DCAF1: variants seen among roughly 807,000 people sequenced by gnomAD.
The protein encoded by DCAF1 is DDB1- and CUL4-associated factor 1.
In DCAF1, 15 loss-of-function variants were observed where a neutral mutation model predicts 128.0. That is an observed-to-expected ratio of 0.12 (90% CI 0.08 to 0.18). DCAF1 has a LOEUF of 0.18. Among genes scored for constraint, DCAF1 ranks in the 10% least tolerant of loss-of-function variants. The pLI is 1.00. For missense variants in DCAF1, 988 were observed against 1,649.5 expected (o/e 0.60, Z 6.95); for synonymous variants, 610 against 603.0 (o/e 1.01, Z -0.17).
At chr3:51,437,462 T>C (rs1419657758) in intron 9 of DCAF1, 24 of 483,936 alleles carry the variant, frequency 5.0e-5, no homozygotes, top group Non-Finnish European at 5.8e-5. Flanking sequence ...GTGGCTATCA[T>C]ACAGTTCTCA....
chr3:51,419,312 G>C (rs1207295253), intron 15 of DCAF1, among the ~76,000 whole-genome samples: 6 of 151,246 alleles, frequency 4.0e-5, no homozygotes, highest in Admixed American at 4.0e-4. Flanking sequence ...AGTGAGCCAA[G>C]ATAGCACCAC....
chr3:51,460,557 C>T (rs1464252678), intron 6 of DCAF1, among the ~76,000 whole-genome samples: 33 of 151,518 alleles, frequency 2.2e-4, no homozygotes, highest in Middle Eastern at 3.5e-3. Context: ...TTGGAAAAAA[C>T]TACTTTAAAG....
rs1259859050 is a variant in DCAF1, at chr3:51,397,973, A to G, written c.*796T>C. 1.2e-5 allele frequency: 2 copies of G among 166,306 alleles called. No homozygotes were observed. The highest frequency in any genetic ancestry group is 2.4e-5 in the African/African-American group (1 of 41,452). 10.3% of individuals were successfully genotyped at this position (166,306 alleles called of 1,614,324 possible). ...AGAAAAAAAGATTTTTGAAAAACTG[A>G]ATCACAAAGAAAAATAGAGGGAGTG... is the stretch of plus-strand genomic sequence containing the variant. On this transcript the variant is annotated 3_prime_UTR_variant, in exon 25 of 25. Coordinates refer to ENST00000684031, the MANE Select transcript of DCAF1 (RefSeq NM_001387579.1).
intron 2 of DCAF1, among the ~76,000 whole-genome samples, chr3:51,490,283 GTGCACCTGTACCAGGTA>G (rs1707478037): frequency 1.3e-5 from 2 of 152,160 alleles, no homozygotes; most frequent in East Asian, 1.9e-4. Context: ...CAGGCATGGT[GTGCACCTGTACCAGGTA>G]TGCACCTGTA....
At chr3:51,483,905 G>T in intron 2 of DCAF1, 69 bp from the exon 3 acceptor site, 1 of 1,121,640 alleles carries the variant, frequency 8.9e-7, no homozygotes, top group South Asian at 1.3e-5. Context: ...AAGTGAAGAA[G>T]GGGTAGAAAA....
chr3:51,441,574 C>A lies in DCAF1; in HGVS notation c.837G>T (p.Arg279Ser). The change falls in exon 8 of 25, where the codon AGG becomes AGT. Residue 279 changes from arginine (R) to serine (S), a missense_variant. Arg to Ser is a moderately radical substitution (Grantham distance 110). Transcript: ENST00000684031. Reference sequence around the variant, plus strand: ...AGAAACCCAACTTTTGCTTGGCTTTCCTAAAGTTCTCTCTGTCACCCTGTT... The same window carrying A: ...AGAAACCCAACTTTTGCTTGGCTTTACTAAAGTTCTCTCTGTCACCCTGTT... The part of the protein sequence containing the change: ...SAKQGDRENF[R>S]KAKQKLGFSS... 6.2e-7 allele frequency: 1 copy of A among 1,613,978 alleles called. No individual in the cohort carries two copies. Among genetic ancestry groups the A allele is most frequent in the Non-Finnish European group, 8.5e-7 (1 of 1,179,886 alleles).
At chr3:51,484,922 GT>G (rs542503097) in intron 2 of DCAF1, among the ~76,000 whole-genome samples, 6 of 122,744 alleles carry the variant, frequency 4.9e-5, no homozygotes, top group African/African-American at 8.8e-5. Context: ...TTTTTGTTTT[GT>G]TTTTTTTTTG....
At chr3:51,445,315 A>G (rs1701748642) in intron 6 of DCAF1, among the ~76,000 whole-genome samples, 1 of 152,210 alleles carries the variant, frequency 6.6e-6, no homozygotes, top group Admixed American at 6.5e-5. Context: ...TGAACTACAT[A>G]AATTGTGATA....
At chr3:51,477,329 A>C (rs534980324) in intron 3 of DCAF1, among the ~76,000 whole-genome samples, 16 of 151,984 alleles carry the variant, frequency 1.1e-4, no homozygotes, top group African/African-American at 3.6e-4. Flanking sequence ...AAAAAAAAAA[A>C]CAAAAAACCC....
intron 4 of DCAF1, among the ~76,000 whole-genome samples, chr3:51,469,519 A>G (rs1704506824): frequency 6.6e-6 from 1 of 151,568 alleles, no homozygotes; most frequent in African/African-American, 2.4e-5. Context: ...CGTGAGCCAC[A>G]GCGCCAGGCC....
chr3:51,401,762 C>T (rs782184274), intron 24 of DCAF1, among the ~76,000 whole-genome samples: 2 of 152,190 alleles, frequency 1.3e-5, no homozygotes, highest in African/African-American at 2.4e-5. Context: ...GCTGACCCTG[C>T]GAACCTGCCC....
intron 6 of DCAF1, among the ~76,000 whole-genome samples, chr3:51,457,184 A>G (rs1553643091): frequency 6.6e-6 from 1 of 152,186 alleles, no homozygotes; most frequent in Non-Finnish European, 1.5e-5. Flanking sequence ...AGACAAATGG[A>G]TAACTAGAAT....
intron 9 of DCAF1, chr3:51,437,538 G>A: frequency 3.0e-6 from 1 of 335,416 alleles, no homozygotes; most frequent in Non-Finnish European, 6.0e-6. Flanking sequence ...ACAGGGGGCT[G>A]GGCACAGTTG....
At chr3:51,463,403 C>A (rs1320358110) in intron 5 of DCAF1, among the ~76,000 whole-genome samples, 176 bp from the exon 6 acceptor site, 1 of 152,160 alleles carries the variant, frequency 6.6e-6, no homozygotes, top group East Asian at 1.9e-4. Context: ...CACTTATGAT[C>A]TTGCTGAGCC....
intron 1 of DCAF1, among the ~76,000 whole-genome samples, chr3:51,498,985 T>G (rs1708537643): frequency 6.6e-6 from 1 of 152,006 alleles, no homozygotes; most frequent in South Asian, 2.1e-4. Context: ...TTAAAAGGCT[T>G]CATCAAAAAA....
chr3:51,432,031 G>C (rs1700434072), intron 10 of DCAF1, among the ~76,000 whole-genome samples: 1 of 151,870 alleles, frequency 6.6e-6, no homozygotes, highest in Non-Finnish European at 1.5e-5. Context: ...CCAGCACTTT[G>C]GGAGGCCAAG....
chr3:51,481,993 C>G (rs1022602933), intron 3 of DCAF1, among the ~76,000 whole-genome samples: 4 of 151,754 alleles, frequency 2.6e-5, no homozygotes, highest in Non-Finnish European at 5.9e-5. Flanking sequence ...TCCATCCCCC[C>G]AAAAAATAAA....
chr3:51,490,874 C>G (rs531105020), intron 2 of DCAF1, among the ~76,000 whole-genome samples: 4 of 152,028 alleles, frequency 2.6e-5, no homozygotes, highest in Non-Finnish European at 5.9e-5. Flanking sequence ...TGCAGTAAGC[C>G]GAGATCGTGC....
rs782370339 is a variant in DCAF1 at position 51,427,398 on chromosome 3, G to A, written c.1821C>T (p.Ala607=). The A allele has an allele frequency of 1.8e-5, 14 of 768,622 alleles. No homozygotes were observed. Among genetic ancestry groups the A allele is most frequent in the Non-Finnish European group, 1.9e-5 (8 of 413,940 alleles). The allele number at this position is 768,622 out of a possible 1,614,324, so 47.6% of individuals were successfully genotyped here. The change falls in exon 13 of 25, where the codon GCC becomes GCT. Residue 607 remains alanine, a synonymous_variant. Coordinates refer to ENST00000684031, the MANE Select transcript of DCAF1 (RefSeq NM_001387579.1). ...TTGCATAATAGGTCTTCCAATTGCAGGCAATAGAAATAAGCTGCAACAAGA... is the reference window on the plus strand; with the variant it reads ...TTGCATAATAGGTCTTCCAATTGCAAGCAATAGAAATAAGCTGCAACAAGA... ...VQLLLQLISI[A]CNWKTYYARN...
Sources: gnomAD v4.1 joint callset for allele counts (sites outside exome capture counted in the v4.1 genomes callset) on GRCh38, gnomAD v4.1.1 for gene constraint, MANE v1.5 for transcripts, NCBI Gene and HGNC (gene_info 2026-07-23, HGNC 2026-07-21) for gene names.